PCNT: variants seen among roughly 807,000 people sequenced by gnomAD.
PCNT encodes the protein pericentrin, also known as kendrin.
PCNT carries 319 observed loss-of-function variants against 380.4 expected under a neutral mutation model. The ratio of observed to expected loss-of-function variants is 0.84; its 90% CI spans 0.77 to 0.92. The LOEUF is 0.92. Ranked by LOEUF, PCNT falls within the 40% of genes least tolerant of loss-of-function variation. The pLI is 0.00. For missense variants in PCNT, 4,400 were observed against 4,255.3 expected (o/e 1.03, Z -0.95); for synonymous variants, 1,845 against 1,735.2 (o/e 1.06, Z -1.57).
chr21:46,395,615 A>G (rs1412945557), intron 21 of PCNT, among the ~76,000 whole-genome samples: 2 of 150,664 alleles, frequency 1.3e-5, no homozygotes, highest in Non-Finnish European at 3.0e-5. Flanking sequence ...TAGAGACTTC[A>G]GGACTCAGCA....
At chr21:46,340,965 C>T (rs778236812) in intron 3 of PCNT, among the ~76,000 whole-genome samples, 1 of 152,232 alleles carries the variant, frequency 6.6e-6, no homozygotes, top group Non-Finnish European at 1.5e-5. Flanking sequence ...CTCACTGCAA[C>T]CTCTGCCTCC....
At chr21:46,415,092 C>T (rs983510505) in intron 29 of PCNT, among the ~76,000 whole-genome samples, 15 of 152,344 alleles carry the variant, frequency 9.8e-5, no homozygotes, top group Admixed American at 2.6e-4. Flanking sequence ...GTGAGTGTCC[C>T]GCACGTCGCT....
intron 15 of PCNT, among the ~76,000 whole-genome samples, chr21:46,380,886 C>T (rs770026286): frequency 8.5e-5 from 13 of 152,090 alleles, no homozygotes; most frequent in East Asian, 3.9e-4. Flanking sequence ...TTTAATTGGC[C>T]GGGTGCAGTG....
At chr21:46,407,803 A>C (rs1478627386) in intron 27 of PCNT, among the ~76,000 whole-genome samples, 1 of 151,946 alleles carries the variant, frequency 6.6e-6, no homozygotes. Context: ...TAGTTTATCC[A>C]TGTTGTCAGT....
At chr21:46,443,483 C>T (rs2053665283) in intron 44 of PCNT, among the ~76,000 whole-genome samples, 1 of 152,164 alleles carries the variant, frequency 6.6e-6, no homozygotes, top group Admixed American at 6.5e-5. Flanking sequence ...CTCTGAGTCA[C>T]ACCTGGTGGT....
intron 3 of PCNT, among the ~76,000 whole-genome samples, chr21:46,338,437 C>G (rs949101648): frequency 1.3e-5 from 2 of 152,142 alleles, no homozygotes; most frequent in Admixed American, 1.3e-4. Context: ...AATCACTTAG[C>G]AAAATGAGTT....
intron 15 of PCNT, among the ~76,000 whole-genome samples, chr21:46,373,559 G>T (rs10222102): frequency 0.13 from 18,939 of 147,992 alleles, 1,203 homozygotes; most frequent in South Asian, 0.21. Flanking sequence ...AGCCTCCCAA[G>T]TAGCTGGGAC....
chr21:46,430,473 C>G (rs1160019394), intron 36 of PCNT, 34 bp from the exon 37 acceptor site: 3 of 1,548,942 alleles, frequency 1.9e-6, no homozygotes. Context: ...CTCTGGCCCA[C>G]GTGGTCAGAT....
intron 45 of PCNT, 66 bp from the exon 46 acceptor site, chr21:46,444,628 C>A: frequency 6.4e-7 from 1 of 1,567,712 alleles, no homozygotes; most frequent in Non-Finnish European, 8.7e-7. Flanking sequence ...CACCATGGCT[C>A]CGTCTGTCAA....
chr21:46,350,708 C>G (rs1006296118), intron 8 of PCNT, among the ~76,000 whole-genome samples: 1 of 152,196 alleles, frequency 6.6e-6, no homozygotes, highest in South Asian at 2.1e-4. Context: ...CCCACACACC[C>G]TCCTCTCCTG....
chr21:46,405,438 C>T (rs1395284190), intron 27 of PCNT, among the ~76,000 whole-genome samples: 1 of 152,254 alleles, frequency 6.6e-6, no homozygotes, highest in Non-Finnish European at 1.5e-5. Context: ...TGGCTCACGC[C>T]TGTAATCCCA....
In PCNT at chr21:46,438,201, ACGTCCTG is replaced by A. The variant is rs2053513875; in HGVS notation, c.9139_9145del (p.Val3047Ter). On this transcript the variant is annotated frameshift_variant, in exon 41 of 47. Transcript: ENST00000359568. LOFTEE classifies it high-confidence loss of function. ...GCAGAGCTGCAGTTCCAGTTTGTGGACGTCCTGCTGAAAGACAATGTTTCCCTCACAA... is the reference window on the plus strand; with the variant it reads ...GCAGAGCTGCAGTTCCAGTTTGTGGACTGAAAGACAATGTTTCCCTCACAA... 6.2e-7 allele frequency: 1 copy of A among 1,614,080 alleles called. No individual in the cohort carries two copies. Among genetic ancestry groups the A allele is most frequent in the South Asian group, 1.1e-5 (1 of 91,088 alleles).
At chr21:46,362,558 T>G (rs2084757749) in intron 13 of PCNT, among the ~76,000 whole-genome samples, 1 of 152,136 alleles carries the variant, frequency 6.6e-6, no homozygotes, top group Admixed American at 6.5e-5. Flanking sequence ...AAATAAGGAG[T>G]TGAGGTCAAT....
chr21:46,401,692 C>G lies in PCNT; in HGVS notation c.4933C>G (p.Gln1645Glu), dbSNP rs536810353. ...EGPEIQLEVT[Q>E]RALLRRESEV... is the part of the protein sequence containing the mutation. ...TCCAGAAATACAGTTAGAGGTGACA[C>G]AGAGAGCACTCCTGCGGCGCGAGAG... Residue 1645 changes from glutamine (Q) to glutamate (E), a missense_variant, in exon 26 of 47, where the codon CAG becomes GAG. Physicochemically the swap from Gln to Glu is conservative, Grantham distance 29. Transcript: ENST00000359568. 8 of 1,614,044 alleles carry G rather than the reference C, an allele frequency of 5.0e-6. No homozygotes were observed. The East Asian group carries it at 1.1e-4, about 22-fold the overall frequency.
At chr21:46,376,859 AT>A (rs918765011) in intron 15 of PCNT, among the ~76,000 whole-genome samples, 21 of 152,324 alleles carry the variant, frequency 1.4e-4, no homozygotes, top group Admixed American at 7.2e-4. Context: ...TTTCAAACAG[AT>A]GGAACTAAAT....
At chr21:46,437,150 T>A in intron 40 of PCNT, 69 bp downstream of exon 40, 1 of 1,011,474 alleles carries the variant, frequency 9.9e-7, no homozygotes, top group Non-Finnish European at 1.5e-6. Flanking sequence ...GGCAGCTTTG[T>A]GGTTCTTTTT....
intron 43 of PCNT, among the ~76,000 whole-genome samples, chr21:46,441,471 G>C (rs1192676983): frequency 6.6e-6 from 1 of 152,208 alleles, no homozygotes; most frequent in Non-Finnish European, 1.5e-5. Context: ...GTCTGGAGTA[G>C]CAGATGCAGC....
Position 46,349,758 on chromosome 21 carries a change from G to A in PCNT, c.1282G>A (p.Gly428Ser), listed in dbSNP as rs1397270799. The change falls in exon 8 of 47, where the codon GGC becomes AGC. Residue 428 changes from glycine to serine, a missense_variant. Coordinates refer to ENST00000359568, the MANE Select transcript of PCNT (RefSeq NM_006031.6). The part of the protein sequence containing the change: ...KLREDLQSEH[G>S]RCLEDLEFKF... ...ACGTGAAGACCTGCAGTCCGAGCAC[G>A]GCCGGTGTTTAGAAGACTTGGAGTT... The A allele has an allele frequency of 7.4e-6, 12 of 1,613,930 alleles. No homozygotes were observed. The highest frequency in any genetic ancestry group is 2.7e-5 in the African/African-American group (2 of 74,922).
chr21:46,326,637 G>C (rs748920579), intron 2 of PCNT, 48 bp downstream of exon 2: 5 of 1,550,408 alleles, frequency 3.2e-6, no homozygotes, highest in Non-Finnish European at 3.6e-6. Context: ...ATCTTCTAGT[G>C]ATTTCTAGTG....
Sources: gnomAD v4.1 joint callset for allele counts (sites outside exome capture counted in the v4.1 genomes callset) on GRCh38, gnomAD v4.1.1 for gene constraint, MANE v1.5 for transcripts, NCBI Gene and HGNC (gene_info 2026-07-23, HGNC 2026-07-21) for gene names.